The following RASSF3 variants were observed in gnomAD, a reference collection of about 807,000 sequenced individuals.
RASSF3 encodes the protein Ras association domain family member 3.
A neutral mutation model predicts 19.9 loss-of-function variants in RASSF3; 19 were observed. That is an observed-to-expected ratio of 0.96 (90% confidence interval 0.67 to 1.40). The LOEUF is 1.40. RASSF3 is among the 40% of genes most tolerant of loss of function. RASSF3 has a pLI of 0.00. For synonymous variants in RASSF3, 110 were observed against 104.2 expected (o/e 1.06, Z -0.34); for missense variants, 306 against 289.8 (o/e 1.06, Z -0.41).
At chr12:64,507,347 A>G (rs780983053) in intron 1 of RASSF3, 7 of 398,386 alleles carry the variant, frequency 1.8e-5, no homozygotes, top group Non-Finnish European at 2.7e-5. Flanking sequence ...ACCTCAGGCT[A>G]ATGCCTTATT....
chr12:64,685,894 G>A (rs943934454), intron 2 of RASSF3, among the ~76,000 whole-genome samples: 8 of 152,280 alleles, frequency 5.3e-5, no homozygotes, highest in Non-Finnish European at 1.0e-4. Flanking sequence ...AGCCCTTGGC[G>A]CCAGTTTCCA....
chr12:64,670,532 TTCTC>T (rs927596617), intron 1 of RASSF3, among the ~76,000 whole-genome samples: 6 of 148,086 alleles, frequency 4.1e-5, no homozygotes, highest in East Asian at 4.0e-4. Context: ...TGGATACGGT[TTCTC>T]TCTCTCTCTT....
intron 1 of RASSF3, among the ~76,000 whole-genome samples, chr12:64,658,135 G>A (rs1240161487): frequency 6.6e-6 from 1 of 152,154 alleles, no homozygotes; most frequent in Non-Finnish European, 1.5e-5. Flanking sequence ...TACTTGGAGA[G>A]TGCCCGTCAG....
intron 1 of RASSF3, among the ~76,000 whole-genome samples, chr12:64,634,990 A>C (rs896832884): frequency 1.4e-5 from 2 of 146,090 alleles, no homozygotes; most frequent in African/African-American, 2.5e-5. Flanking sequence ...TTTTGAGACA[A>C]GATCTATCTC....
At position 64,618,928 on chromosome 12, in the gene RASSF3, T is replaced by TA. The variant is rs534290918; in HGVS notation, c.111+8194dup. Among the ~76,000 whole-genome samples the TA allele has an allele frequency of 9.4e-4, 141 of 150,008 alleles. 1 individual carries two copies. Among genetic ancestry groups the TA allele is most frequent in the African/African-American group, 3.3e-3 (133 of 40,862 alleles). On this transcript the variant is annotated intron_variant, in intron 1 of 4. Coordinates refer to ENST00000542104, the MANE Select transcript of RASSF3 (RefSeq NM_178169.4). ...TACCCTAAAACTTAAAGTATAATAA[T>TA]AAAAAAAAAGAAAGAATGTAAAATA... is the stretch of plus-strand genomic sequence containing the variant.
intron 1 of RASSF3, among the ~76,000 whole-genome samples, chr12:64,643,182 T>C (rs1402827042): frequency 6.6e-6 from 1 of 151,820 alleles, no homozygotes; most frequent in East Asian, 1.9e-4. Flanking sequence ...AGTTTCTTAA[T>C]GCAATTGTTA....
chr12:64,522,855 G>A (rs1332780857), intron 1 of RASSF3, among the ~76,000 whole-genome samples: 1 of 152,170 alleles, frequency 6.6e-6, no homozygotes, highest in Non-Finnish European at 1.5e-5. Context: ...TAGGCTCCTG[G>A]GGGAAAGGTG....
chr12:64,568,606 C>G (rs1869469825), intron 2 of RASSF3, among the ~76,000 whole-genome samples: 1 of 152,096 alleles, frequency 6.6e-6, no homozygotes, highest in Non-Finnish European at 1.5e-5. Flanking sequence ...TCAGGCACTC[C>G]CCAGTCTGTT....
At chr12:64,556,834 C>CTTTT (rs5798747) in intron 2 of RASSF3, among the ~76,000 whole-genome samples, 2 of 114,404 alleles carry the variant, frequency 1.7e-5, no homozygotes, top group African/African-American at 3.2e-5. Context: ...CCCCCTACCC[C>CTTTT]TTTTTTTTTT....
At chr12:64,653,753 G>A (rs35846274) in intron 1 of RASSF3, among the ~76,000 whole-genome samples, 27,147 of 152,090 alleles carry the variant, frequency 0.18, 3,007 homozygotes, top group South Asian at 0.31. Context: ...TTACCGTGTT[G>A]CTTAGGCTGG....
chr12:64,516,488 G>A (rs931568332), intron 1 of RASSF3, among the ~76,000 whole-genome samples: 28 of 150,302 alleles, frequency 1.9e-4, no homozygotes, highest in Middle Eastern at 3.4e-3. Context: ...GCGTAGTGGC[G>A]GGCGCCTGTA....
At chr12:64,572,111 TTG>T (rs71278247) in intron 2 of RASSF3, among the ~76,000 whole-genome samples, 12 of 151,056 alleles carry the variant, frequency 7.9e-5, no homozygotes, top group East Asian at 7.8e-4. Context: ...AATTGTAGAC[TTG>T]TGTGTGTGTG....
At chr12:64,587,721 C>T (rs551608005) in intron 2 of RASSF3, among the ~76,000 whole-genome samples, 86 of 152,306 alleles carry the variant, frequency 5.6e-4, no homozygotes, top group South Asian at 2.1e-3. Flanking sequence ...ACAGTTGTGG[C>T]TTCTATACTA....
chr12:64,623,153 A>AG lies in RASSF3; in HGVS notation c.111+12412dup, dbSNP rs1482097057. On this transcript the variant is annotated intron_variant, in intron 1 of 4. Transcript: ENST00000542104. ...AAATTTTCTACAAATGCTTGTTTCG[A>AG]GGAATCTTTTTTGATATTTTGCCAG... 2.0e-5 allele frequency among the ~76,000 whole-genome samples: 3 copies of AG among 152,184 alleles called. No individual in the cohort carries two copies. In the East Asian group the frequency reaches 5.8e-4, roughly 29 times the overall value.
intron 1 of RASSF3, among the ~76,000 whole-genome samples, chr12:64,619,005 TTTGAG>T (rs1426930139): frequency 1.4e-4 from 21 of 152,342 alleles, no homozygotes; most frequent in African/African-American, 4.8e-4. Flanking sequence ...TTCGATAATA[TTTGAG>T]TTAAGTAAAT....
At chr12:64,628,369 ATCT>A (rs1010243484) in intron 1 of RASSF3, 1 of 152,230 alleles carries the variant, frequency 6.6e-6, no homozygotes, top group Non-Finnish European at 1.5e-5. Context: ...TATGAGAATC[ATCT>A]TCTTACTGAG....
intron 1 of RASSF3, among the ~76,000 whole-genome samples, chr12:64,534,745 G>A (rs76683061): frequency 0.022 from 3,382 of 152,234 alleles, 133 homozygotes; most frequent in African/African-American, 0.077. Flanking sequence ...GACTTGGAGA[G>A]GAATTCTACC....
chr12:64,591,050 A>G (rs1565844991), intron 2 of RASSF3, among the ~76,000 whole-genome samples: 2 of 152,208 alleles, frequency 1.3e-5, no homozygotes, highest in African/African-American at 4.8e-5. Flanking sequence ...TGAAGATGAA[A>G]GGATGCTAAG....
At chr12:64,623,242 G>A (rs531274370) in intron 1 of RASSF3, among the ~76,000 whole-genome samples, 3 of 152,180 alleles carry the variant, frequency 2.0e-5, no homozygotes, top group African/African-American at 4.8e-5. Context: ...AATATATCAC[G>A]TAGGAGGAAA....
Sources: gnomAD v4.1 joint callset for allele counts (sites outside exome capture counted in the v4.1 genomes callset) on GRCh38, gnomAD v4.1.1 for gene constraint, MANE v1.5 for transcripts, NCBI Gene and HGNC (gene_info 2026-07-23, HGNC 2026-07-21) for gene names.